The following E2F7 variants were observed in gnomAD, a reference collection of about 807,000 sequenced individuals.
The protein encoded by E2F7 is transcription factor E2F7.
In E2F7, 35 loss-of-function variants were observed where a neutral mutation model predicts 81.1. That is an observed-to-expected ratio of 0.43 (90% CI 0.33 to 0.57). The LOEUF is 0.57. Ranked by LOEUF, E2F7 falls within the 20% of genes least tolerant of loss-of-function variation. The pLI is 0.04. For missense variants in E2F7, 961 were observed against 1,093.7 expected (o/e 0.88, Z 1.71); for synonymous variants, 416 against 416.2 (o/e 1.00, Z 0.01).
At position 77,055,858 on chromosome 12, in the gene E2F7, T is replaced by C. The variant is rs1174040618; in HGVS notation, c.366A>G (p.Leu122=). Residue 122 remains leucine, a synonymous_variant, in exon 3 of 13, where the codon CTA becomes CTG. Transcript: ENST00000322886. Reference sequence around the variant, plus strand: ...CTGAGGAGCACAGTCTGTTTACCTGTAGAGAATCTGTAAATGCATCGTCCT... The same window carrying C: ...CTGAGGAGCACAGTCTGTTTACCTGCAGAGAATCTGTAAATGCATCGTCCT... The part of the protein sequence containing the change: ...ENKDDAFTDS[L]QLDVVGDSAV... 3 of 1,608,296 alleles carry C rather than the reference T, an allele frequency of 1.9e-6. No homozygotes were observed. Among genetic ancestry groups the C allele is most frequent in the East Asian group, 2.2e-5 (1 of 44,842 alleles).
rs1018600196 is a variant in E2F7 at position 77,023,031 on chromosome 12, CAACG to C, written c.*980_*983del. Reference sequence around the variant, plus strand: ...TTTCACATCATTACTCTTCAGAATTCAACGAAAAGGTCTCATCCAGGTTCCAATT... The same window carrying C: ...TTTCACATCATTACTCTTCAGAATTCAAAAGGTCTCATCCAGGTTCCAATT... On this transcript the variant is annotated 3_prime_UTR_variant, in exon 13 of 13. Transcript: ENST00000322886. The C allele has an allele frequency of 1.8e-4, 28 of 152,258 alleles. No individual in the cohort carries two copies. The highest frequency in any genetic ancestry group is 6.3e-4 in the African/African-American group (26 of 41,544). The allele number at this position is 152,258 out of a possible 1,614,324, so 9.4% of individuals were successfully genotyped here. A position where few individuals can be genotyped will look rare whatever the true frequency, so the allele number is the denominator to read the frequency against.
intron 9 of E2F7, among the ~76,000 whole-genome samples, chr12:77,030,900 T>TA (rs1954800941): frequency 2.0e-5 from 3 of 152,086 alleles, no homozygotes; most frequent in Admixed American, 2.0e-4. Flanking sequence ...GACTTTGATT[T>TA]AAAAAAAGAT....
Position 77,024,122 on chromosome 12 carries a change from G to T in E2F7, c.2629C>A (p.Pro877Thr). 6.2e-7 allele frequency: 1 copy of T among 1,614,016 alleles called. No individual in the cohort carries two copies. Among genetic ancestry groups the T allele is most frequent in the South Asian group, 1.1e-5 (1 of 91,050 alleles). ...AGGACAGGGTCTCCAAGGCTGCCGG[G>T]TGTCTTGAAAAACGTCTCACGATGT... The part of the protein sequence containing the change: ...RTHRETFFKT[P>T]GSLGDPVLKR... Residue 877 changes from proline to threonine, a missense_variant, in exon 13 of 13, where the codon CCC (proline) becomes ACC (threonine). Pro to Thr is a conservative substitution (Grantham distance 38). Transcript: ENST00000322886.
intron 2 of E2F7, among the ~76,000 whole-genome samples, chr12:77,060,879 C>T (rs1343421444): frequency 6.6e-6 from 1 of 152,322 alleles, no homozygotes; most frequent in East Asian, 1.9e-4. Context: ...TGATCCACTG[C>T]TCTTACTTAG....
intron 8 of E2F7, 107 bp from the exon 9 acceptor site, chr12:77,033,229 T>A: frequency 9.9e-7 from 1 of 1,011,512 alleles, no homozygotes; most frequent in Non-Finnish European, 1.4e-6. Flanking sequence ...GCTCAAAGAT[T>A]ACTCAAATCT....
Position 77,022,998 on chromosome 12 carries a change from G to C in E2F7, c.*1017C>G, listed in dbSNP as rs1954726172. On this transcript the variant is annotated 3_prime_UTR_variant, in exon 13 of 13. Coordinates refer to ENST00000322886, the MANE Select transcript of E2F7 (RefSeq NM_203394.3). The stretch of plus-strand genomic sequence containing the variant: ...AAACAAAAGAATCATCTCTTGCCCT[G>C]TATCAATTTTCACATCATTACTCTT... 1 of 152,132 alleles carries C rather than the reference G, an allele frequency of 6.6e-6. No homozygotes were observed. Among genetic ancestry groups the C allele is most frequent in the African/African-American group, 2.4e-5 (1 of 41,430 alleles). The allele number at this position is 152,132 out of a possible 1,614,324, so 9.4% of individuals were successfully genotyped here. A position where few individuals can be genotyped will look rare whatever the true frequency, so the allele number is the denominator to read the frequency against.
intron 7 of E2F7, 68 bp downstream of exon 7, chr12:77,042,997 G>A: frequency 6.2e-7 from 1 of 1,610,140 alleles, no homozygotes; most frequent in Non-Finnish European, 8.5e-7. Flanking sequence ...TGTAGTAGAT[G>A]TGAGACTTGG....
At chr12:77,055,800 A>C (rs981406957) in intron 3 of E2F7, 55 bp downstream of exon 3, 11 of 1,517,748 alleles carry the variant, frequency 7.2e-6, no homozygotes, top group Non-Finnish European at 9.7e-6. Context: ...TTTTTTAATA[A>C]TCAAGTAAAA....
At chr12:77,058,380 T>C (rs1323370921) in intron 2 of E2F7, among the ~76,000 whole-genome samples, 1 of 152,196 alleles carries the variant, frequency 6.6e-6, no homozygotes. Context: ...TATGACCTCA[T>C]TCAGTGTAAA....
At position 77,022,407 on chromosome 12, in the gene E2F7, T is replaced by C. The variant is rs1000388218; in HGVS notation, c.*1608A>G. On this transcript the variant is annotated 3_prime_UTR_variant, in exon 13 of 13. Coordinates refer to ENST00000322886, the MANE Select transcript of E2F7 (RefSeq NM_203394.3). ...TTATATAAGTAGCAAATTTATTTAA[T>C]GTAGCTACCTACCTCAAGTTTTAAA... The C allele has an allele frequency of 6.6e-6, 1 of 152,542 alleles. No individual in the cohort carries two copies. The highest frequency in any genetic ancestry group is 1.5e-5 in the Non-Finnish European group (1 of 68,004). The allele number at this position is 152,542 out of a possible 1,614,324, so 9.4% of individuals were successfully genotyped here. A position where few individuals can be genotyped will look rare whatever the true frequency, so the allele number is the denominator to read the frequency against.
At chr12:77,026,467 A>AT (rs1005564312) in intron 11 of E2F7, among the ~76,000 whole-genome samples, 22 of 150,812 alleles carry the variant, frequency 1.5e-4, no homozygotes, top group South Asian at 1.3e-3. Context: ...CACCCAGCTA[A>AT]TTTTTTTTTA....
chr12:77,051,928 C>T (rs962536482), intron 3 of E2F7, among the ~76,000 whole-genome samples: 8 of 152,082 alleles, frequency 5.3e-5, no homozygotes, highest in African/African-American at 1.9e-4. Flanking sequence ...GAATTTCAGA[C>T]AAATCATTAA....
chr12:77,026,467 AT>A (rs1005564312), intron 11 of E2F7, among the ~76,000 whole-genome samples: 1 of 150,814 alleles, frequency 6.6e-6, no homozygotes, highest in Non-Finnish European at 1.5e-5. Context: ...CACCCAGCTA[AT>A]TTTTTTTTAT....
chr12:77,050,519 A>C, intron 4 of E2F7, 57 bp downstream of exon 4: 3 of 1,586,622 alleles, frequency 1.9e-6, no homozygotes, highest in Non-Finnish European at 2.6e-6. Flanking sequence ...CTGCCCAAGG[A>C]AACCAGTTTC....
At chr12:77,050,033 C>T (rs1244253964) in intron 4 of E2F7, among the ~76,000 whole-genome samples, 1 of 152,274 alleles carries the variant, frequency 6.6e-6, no homozygotes, top group Admixed American at 6.5e-5. Flanking sequence ...CACTCATGCA[C>T]GTGCACACAC....
chr12:77,038,432 T>C (rs1351292843), intron 7 of E2F7, among the ~76,000 whole-genome samples: 2 of 152,086 alleles, frequency 1.3e-5, no homozygotes, highest in Non-Finnish European at 1.5e-5. Context: ...TTACATTAAA[T>C]GAAATTAAAA....
Position 77,030,270 on chromosome 12 carries a change from G to C in E2F7, c.1445C>G (p.Pro482Arg). ...TGGGTCAACAGAGAGGACAGGGAAA[G>C]GAGCAACAGGGTCCAAGCTGCTTGA... Reference protein sequence around the residue: ...PPSSSLDPVAPFPVLSVDPEY... With the variant: ...PPSSSLDPVARFPVLSVDPEY... The change falls in exon 10 of 13, where the codon CCT becomes CGT. Residue 482 changes from proline (P) to arginine (R), a missense_variant. Coordinates refer to ENST00000322886, the MANE Select transcript of E2F7 (RefSeq NM_203394.3). 6.2e-7 allele frequency: 1 copy of C among 1,604,550 alleles called. No homozygotes were observed. Among genetic ancestry groups the C allele is most frequent in the Non-Finnish European group, 8.5e-7 (1 of 1,174,206 alleles).
At chr12:77,044,941 C>T in intron 5 of E2F7, 146 bp from the exon 6 acceptor site, 1 of 922,880 alleles carries the variant, frequency 1.1e-6, no homozygotes, top group Non-Finnish European at 1.6e-6. Context: ...ATACACATCA[C>T]AGAAGTCAGC....
chr12:77,044,403 T>C lies in E2F7; in HGVS notation c.988+234A>G. The C allele has an allele frequency of 5.1e-6, 3 of 586,028 alleles. 1 individual carries two copies. In the South Asian group the frequency reaches 5.7e-5, roughly 11 times the overall value. 36.3% of individuals were successfully genotyped at this position (586,028 alleles called of 1,614,324 possible). A position where few individuals can be genotyped will look rare whatever the true frequency, so the allele number is the denominator to read the frequency against. ...CTGACCGGAGTTCTCAGGATAGTGT[T>C]CTGTTTTTCACTCTACTGAAACCAC... On this transcript the variant is annotated intron_variant, in intron 6 of 12. Coordinates refer to ENST00000322886, the MANE Select transcript of E2F7 (RefSeq NM_203394.3).
Sources: allele counts gnomAD v4.1 joint callset (sites outside exome capture counted in the v4.1 genomes callset), GRCh38; gene constraint gnomAD v4.1.1; transcripts MANE v1.5; gene names NCBI Gene and HGNC (gene_info 2026-07-23, HGNC 2026-07-21).